KIF6: variants seen among roughly 807,000 people sequenced by gnomAD.
KIF6 encodes the protein kinesin-like protein KIF6.
In KIF6, 106 loss-of-function variants were observed where a neutral mutation model predicts 112.7. The ratio of observed to expected loss-of-function variants is 0.94; its 90% confidence interval spans 0.80 to 1.11. KIF6 has a LOEUF of 1.11. Ranked by LOEUF, KIF6 falls within the 50% of genes least tolerant of loss-of-function variation. KIF6 has a pLI of 0.00. For missense variants in KIF6, 929 were observed against 964.0 expected, an observed-to-expected ratio of 0.96 and a Z score of 0.48; for synonymous variants, 339 against 339.9, an observed-to-expected ratio of 1.00 and a Z score of 0.03.
chr6:39,572,751 A>G (rs1780714282), intron 10 of KIF6, among the ~76,000 whole-genome samples: 1 of 145,104 alleles, frequency 6.9e-6, no homozygotes, highest in Non-Finnish European at 1.5e-5. Flanking sequence ...GAAGTTCTGT[A>G]TACATTAACT....
intron 10 of KIF6, among the ~76,000 whole-genome samples, chr6:39,552,995 T>A (rs1779471688): frequency 6.6e-6 from 1 of 152,170 alleles, no homozygotes; most frequent in South Asian, 2.1e-4. Flanking sequence ...TATACAAAAA[T>A]TTTTCAGGGT....
intron 2 of KIF6, among the ~76,000 whole-genome samples, chr6:39,716,218 A>G (rs995149666): frequency 6.6e-6 from 1 of 152,202 alleles, no homozygotes; most frequent in Non-Finnish European, 1.5e-5. Context: ...TAATTGATCT[A>G]TTCATTCCAC....
At chr6:39,596,619 A>C (rs1008734821) in intron 6 of KIF6, among the ~76,000 whole-genome samples, 4 of 152,208 alleles carry the variant, frequency 2.6e-5, no homozygotes, top group Non-Finnish European at 5.9e-5. Context: ...AAAAGAGGTG[A>C]GAATGTGTGT....
chr6:39,478,648 C>T (rs948064466), intron 13 of KIF6, among the ~76,000 whole-genome samples: 9 of 151,060 alleles, frequency 6.0e-5, no homozygotes, highest in African/African-American at 2.2e-4. Context: ...AGTTTACATT[C>T]CCACTAGCAG....
At chr6:39,711,371 G>A (rs1254052298) in intron 3 of KIF6, among the ~76,000 whole-genome samples, 1 of 151,080 alleles carries the variant, frequency 6.6e-6, no homozygotes, top group African/African-American at 2.4e-5. Flanking sequence ...AAGAGACAAT[G>A]AAGCAGTATC....
At chr6:39,413,785 G>T (rs919985195) in intron 15 of KIF6, among the ~76,000 whole-genome samples, 4 of 152,236 alleles carry the variant, frequency 2.6e-5, no homozygotes, top group African/African-American at 9.6e-5. Flanking sequence ...CCACTTACCT[G>T]AGACAACACA....
intron 3 of KIF6, among the ~76,000 whole-genome samples, chr6:39,641,641 A>G (rs538744910): frequency 6.6e-6 from 1 of 152,160 alleles, no homozygotes; most frequent in African/African-American, 2.4e-5. Flanking sequence ...CTTAAAGTAT[A>G]ATATATATAA....
chr6:39,648,438 G>A (rs12190332), intron 3 of KIF6, among the ~76,000 whole-genome samples: 1 of 152,156 alleles, frequency 6.6e-6, no homozygotes, highest in Non-Finnish European at 1.5e-5. Flanking sequence ...TTGGAATTCA[G>A]TTACATGCAA....
chr6:39,692,085 G>A (rs942611250), intron 3 of KIF6, among the ~76,000 whole-genome samples: 2 of 152,200 alleles, frequency 1.3e-5, no homozygotes, highest in African/African-American at 4.8e-5. Context: ...GGAGGCGGAG[G>A]TTGCAGTGAG....
intron 14 of KIF6, among the ~76,000 whole-genome samples, chr6:39,423,308 T>C (rs1770512866): frequency 6.6e-6 from 1 of 152,160 alleles, no homozygotes; most frequent in African/African-American, 2.4e-5. Context: ...TTGCAGACCC[T>C]GGGGAAATGC....
intron 22 of KIF6, among the ~76,000 whole-genome samples, chr6:39,337,444 C>G (rs1057156229): frequency 2.6e-5 from 4 of 151,632 alleles, no homozygotes; most frequent in Non-Finnish European, 5.9e-5. Flanking sequence ...TCCCAAGTAT[C>G]TGGAATTACA....
chr6:39,665,055 T>C (rs1436393239), intron 3 of KIF6, among the ~76,000 whole-genome samples: 1 of 152,138 alleles, frequency 6.6e-6, no homozygotes, highest in African/African-American at 2.4e-5. Context: ...GCTGTATTCA[T>C]AAACAAATAG....
chr6:39,532,361 C>T (rs1221703108), intron 13 of KIF6, among the ~76,000 whole-genome samples: 1 of 151,978 alleles, frequency 6.6e-6, no homozygotes, highest in Non-Finnish European at 1.5e-5. Context: ...AGCACTATGC[C>T]TAGAACAAAG....
At chr6:39,408,565 G>T (rs1769249899) in intron 15 of KIF6, among the ~76,000 whole-genome samples, 1 of 152,056 alleles carries the variant, frequency 6.6e-6, no homozygotes, top group Admixed American at 6.5e-5. Flanking sequence ...AAGCAAGGGG[G>T]CAGAATGATA....
At chr6:39,435,583 C>T in intron 13 of KIF6, among the ~76,000 whole-genome samples, 1 of 151,018 alleles carries the variant, frequency 6.6e-6, no homozygotes, top group East Asian at 2.0e-4. Flanking sequence ...TACAAATTTG[C>T]ATACCCATAG....
intron 19 of KIF6, among the ~76,000 whole-genome samples, chr6:39,354,829 C>G (rs1485704952): frequency 3.3e-5 from 5 of 152,174 alleles, no homozygotes; most frequent in African/African-American, 1.2e-4. Context: ...GTTTGCATTG[C>G]TAATGACTAG....
chr6:39,332,062 C>T lies in KIF6; in HGVS notation c.*4470G>A, dbSNP rs1762760458. 6.6e-6 allele frequency: 1 copy of T among 151,980 alleles called. No individual in the cohort carries two copies. The highest frequency in any genetic ancestry group is 2.1e-4 in the South Asian group (1 of 4,814). The allele number at this position is 151,980 out of a possible 1,614,324, so 9.4% of individuals were successfully genotyped here. On this transcript the variant is annotated 3_prime_UTR_variant, in exon 23 of 23. Coordinates refer to ENST00000287152, the MANE Select transcript of KIF6 (RefSeq NM_145027.6). ...TCCTGGGCTCAAGCAATTCTCCTGC[C>T]TCAGCCTCTGAGTAGCTGGGATTAC... is the stretch of plus-strand genomic sequence containing the variant.
At chr6:39,434,476 C>T (rs967805858) in intron 13 of KIF6, among the ~76,000 whole-genome samples, 20 of 151,772 alleles carry the variant, frequency 1.3e-4, no homozygotes, top group African/African-American at 4.8e-4. Flanking sequence ...GAGGCTGAGG[C>T]AGGAGAATCA....
intron 5 of KIF6, among the ~76,000 whole-genome samples, chr6:39,622,832 T>C (rs1003981388): frequency 1.3e-5 from 2 of 152,180 alleles, no homozygotes; most frequent in Admixed American, 1.3e-4. Context: ...CCATTTTGCA[T>C]GATGACTAAA....
Sources: gnomAD v4.1 joint callset for allele counts (sites outside exome capture counted in the v4.1 genomes callset) on GRCh38, gnomAD v4.1.1 for gene constraint, MANE v1.5 for transcripts, NCBI Gene and HGNC (gene_info 2026-07-23, HGNC 2026-07-21) for gene names.